XYLT1: variants seen among roughly 807,000 people sequenced by gnomAD.
XYLT1 encodes beta-D-xylosyltransferase 1.
Under a neutral mutation model 91.3 loss-of-function variants are expected in XYLT1, and 36 were observed. The observed-to-expected ratio is 0.39, with a 90% CI of 0.30 to 0.52. The LOEUF is 0.52. Among genes scored for constraint, XYLT1 ranks in the 20% least tolerant of loss-of-function variants. XYLT1 has a pLI of 0.68. For missense variants in XYLT1, 1,242 were observed against 1,284.5 expected, an observed-to-expected ratio of 0.97 and a Z score of 0.51; for synonymous variants, 588 against 532.0, an observed-to-expected ratio of 1.11 and a Z score of -1.45.
At chr16:17,469,013 G>A (rs565937001) in intron 1 of XYLT1, among the ~76,000 whole-genome samples, 1 of 152,282 alleles carries the variant, frequency 6.6e-6, no homozygotes, top group East Asian at 1.9e-4. Flanking sequence ...CTGGTTCTCC[G>A]TCAGGCAGCT....
chr16:17,123,156 T>C (rs754287658), intron 10 of XYLT1, among the ~76,000 whole-genome samples: 3 of 152,218 alleles, frequency 2.0e-5, no homozygotes, highest in Non-Finnish European at 4.4e-5. Context: ...AATTTGTAGA[T>C]TGCTTTTGGC....
At chr16:17,314,131 G>C (rs924222618) in intron 2 of XYLT1, among the ~76,000 whole-genome samples, 14 of 152,336 alleles carry the variant, frequency 9.2e-5, no homozygotes, top group African/African-American at 3.4e-4. Context: ...GAATTCTAAA[G>C]TCGACTCTTG....
chr16:17,217,463 A>G (rs139845742), intron 3 of XYLT1, among the ~76,000 whole-genome samples: 1 of 152,356 alleles, frequency 6.6e-6, no homozygotes, highest in African/African-American at 2.4e-5. Flanking sequence ...CTCACGTTAT[A>G]TATAATCATG....
intron 3 of XYLT1, among the ~76,000 whole-genome samples, chr16:17,248,493 G>A (rs898961871): frequency 2.0e-5 from 3 of 152,090 alleles, no homozygotes; most frequent in Admixed American, 2.0e-4. Context: ...GCACTTTTAG[G>A]AATTACAACT....
chr16:17,468,107 G>A (rs2036924020), intron 1 of XYLT1, among the ~76,000 whole-genome samples: 1 of 152,156 alleles, frequency 6.6e-6, no homozygotes, highest in Non-Finnish European at 1.5e-5. Context: ...AGCTATACCA[G>A]ACTTTGGGAA....
intron 3 of XYLT1, among the ~76,000 whole-genome samples, chr16:17,237,331 A>C (rs1447236407): frequency 6.6e-6 from 1 of 151,624 alleles, no homozygotes; most frequent in Non-Finnish European, 1.5e-5. Context: ...GAAACTATTA[A>C]TTTTTTTTTC....
chr16:17,137,039 C>A (rs2030754266), intron 8 of XYLT1, among the ~76,000 whole-genome samples: 1 of 152,128 alleles, frequency 6.6e-6, no homozygotes, highest in African/African-American at 2.4e-5. Flanking sequence ...TTCGGCTCAG[C>A]ATATCCTTTC....
At chr16:17,253,318 G>A (rs1277502882) in intron 3 of XYLT1, among the ~76,000 whole-genome samples, 1 of 152,156 alleles carries the variant, frequency 6.6e-6, no homozygotes, top group Non-Finnish European at 1.5e-5. Flanking sequence ...GGTGTGCAAT[G>A]GCTTTTAAAT....
chr16:17,145,393 A>G (rs1023271003), intron 6 of XYLT1, among the ~76,000 whole-genome samples: 3 of 152,156 alleles, frequency 2.0e-5, no homozygotes, highest in African/African-American at 7.2e-5. Context: ...CAATTCAGGG[A>G]TGGGCCAGCA....
At chr16:17,432,590 G>T (rs1213725501) in intron 1 of XYLT1, among the ~76,000 whole-genome samples, 1 of 152,132 alleles carries the variant, frequency 6.6e-6, no homozygotes, top group Admixed American at 6.5e-5. Context: ...CTAGATTATG[G>T]TGTTGGTTGC....
chr16:17,216,995 G>A (rs1187969507), intron 3 of XYLT1, among the ~76,000 whole-genome samples: 1 of 152,232 alleles, frequency 6.6e-6, no homozygotes, highest in Non-Finnish European at 1.5e-5. Flanking sequence ...GCCTAGGAGA[G>A]TGTCTGGTGA....
At chr16:17,295,443 T>C (rs889673343) in intron 2 of XYLT1, among the ~76,000 whole-genome samples, 4 of 151,724 alleles carry the variant, frequency 2.6e-5, no homozygotes, top group African/African-American at 4.8e-5. Context: ...GCAACCTCCA[T>C]CTCCCAGGTT....
intron 11 of XYLT1, among the ~76,000 whole-genome samples, chr16:17,115,875 A>G (rs1966851231): frequency 6.7e-6 from 1 of 149,306 alleles, no homozygotes; most frequent in African/African-American, 2.4e-5. Flanking sequence ...CAGCAGCAAC[A>G]ACAGAAACTT....
intron 1 of XYLT1, among the ~76,000 whole-genome samples, chr16:17,416,537 C>T (rs768106928): frequency 1.3e-5 from 2 of 152,186 alleles, no homozygotes; most frequent in Non-Finnish European, 2.9e-5. Context: ...GTGGGCACAT[C>T]CCTATCACAA....
intron 3 of XYLT1, chr16:17,251,181 C>T (rs1164171508): frequency 1.3e-5 from 2 of 152,354 alleles, no homozygotes; most frequent in Non-Finnish European, 2.9e-5. Context: ...CAGCCTTCCC[C>T]CCAGAATCCC....
At position 17,434,872 on chromosome 16, in the gene XYLT1, A is replaced by G. The variant is rs1470161472; in HGVS notation, c.363+35562T>C. On this transcript the variant is annotated intron_variant, in intron 1 of 11. Coordinates refer to ENST00000261381, the MANE Select transcript of XYLT1 (RefSeq NM_022166.4). ...AACAGAGCGAGACCCTGTCTCTAAG[A>G]AAAAAAAAAAAAGAAGAAGAAGAAG... Among the ~76,000 whole-genome samples the G allele has an allele frequency of 2.6e-5, 3 of 114,482 alleles. No homozygotes were observed. In the East Asian group the frequency reaches 6.2e-4, roughly 23 times the overall value. The allele number at this position is 114,482 out of a possible 152,430, so 75.1% of individuals were successfully genotyped here.
At chr16:17,131,519 C>A (rs531502476) in intron 9 of XYLT1, among the ~76,000 whole-genome samples, 1 of 152,280 alleles carries the variant, frequency 6.6e-6, no homozygotes, top group Admixed American at 6.5e-5. Context: ...GCCCACCCTG[C>A]AGGGGGCACA....
chr16:17,431,137 T>C (rs998057225), intron 1 of XYLT1, among the ~76,000 whole-genome samples: 9 of 152,160 alleles, frequency 5.9e-5, no homozygotes, highest in Admixed American at 5.9e-4. Context: ...AGTGGAATGC[T>C]GAGTAGCCAC....
chr16:17,318,229 C>T (rs1480398893), intron 2 of XYLT1, among the ~76,000 whole-genome samples: 1 of 152,200 alleles, frequency 6.6e-6, no homozygotes, highest in Non-Finnish European at 1.5e-5. Flanking sequence ...AGAATGGGAA[C>T]TGGACCCTGG....
Sources: gnomAD v4.1 joint callset for allele counts (sites outside exome capture counted in the v4.1 genomes callset) on GRCh38, gnomAD v4.1.1 for gene constraint, MANE v1.5 for transcripts, NCBI Gene and HGNC (gene_info 2026-07-23, HGNC 2026-07-21) for gene names.